SLIT2: variants seen among roughly 807,000 people sequenced by gnomAD.
SLIT2 encodes slit guidance ligand 2.
In SLIT2, 41 loss-of-function variants were observed where a neutral mutation model predicts 185.7. The observed-to-expected ratio is 0.22, with a 90% confidence interval of 0.17 to 0.29. The LOEUF is 0.29. Ranked by LOEUF, SLIT2 falls within the 10% of genes least tolerant of loss-of-function variation. SLIT2 has a pLI of 1.00. For missense variants in SLIT2, 1,571 were observed against 1,909.0 expected, an observed-to-expected ratio of 0.82 and a Z score of 3.30; for synonymous variants, 693 against 680.2, an observed-to-expected ratio of 1.02 and a Z score of -0.29.
At chr4:20,343,590 C>T (rs1473637823) in intron 4 of SLIT2, among the ~76,000 whole-genome samples, 1 of 151,968 alleles carries the variant, frequency 6.6e-6, no homozygotes, top group African/African-American at 2.4e-5. Flanking sequence ...CACCCTCAAC[C>T]TCCTGGGCTT....
chr4:20,406,629 A>G (rs1417978882), intron 4 of SLIT2, among the ~76,000 whole-genome samples: 2 of 144,562 alleles, frequency 1.4e-5, no homozygotes, highest in African/African-American at 4.9e-5. Context: ...TATGACTATT[A>G]AAACTTTCTT....
rs528229489 is a variant in SLIT2 at position 20,560,693 on chromosome 4, TA to T, written c.2726-6568del. Among the ~76,000 whole-genome samples, 416 of 152,070 alleles carry T rather than the reference TA, an allele frequency of 2.7e-3. 1 individual carries two copies. Among genetic ancestry groups the T allele is most frequent in the Non-Finnish European group, 4.7e-3 (318 of 67,952 alleles). On this transcript the variant is annotated intron_variant, in intron 26 of 36. Coordinates refer to ENST00000504154, the MANE Select transcript of SLIT2 (RefSeq NM_004787.4). Reference sequence around the variant, plus strand: ...GTTTTAGCTATGGAGGCAACTAAATTATTTTTTTATTTGAAAGACATTTATT... The same window carrying T: ...GTTTTAGCTATGGAGGCAACTAAATTTTTTTTTATTTGAAAGACATTTATT...
At chr4:20,455,372 A>C (rs770995490) in intron 4 of SLIT2, among the ~76,000 whole-genome samples, 1 of 152,164 alleles carries the variant, frequency 6.6e-6, no homozygotes, top group Non-Finnish European at 1.5e-5. Flanking sequence ...AGACATCCAA[A>C]GTAGTAGGCA....
At position 20,546,060 on chromosome 4, in the gene SLIT2, T is replaced by C; in HGVS notation, c.2306T>C (p.Val769Ala). 1 of 1,587,962 alleles carries C rather than the reference T, an allele frequency of 6.3e-7. No homozygotes were observed. Among genetic ancestry groups the C allele is most frequent in the Non-Finnish European group, 8.6e-7 (1 of 1,162,522 alleles). ...LYLDGNQFTLVPKELSNYKHL... is the reference protein window; with the variant it reads ...LYLDGNQFTLAPKELSNYKHL... ...CTGGATGGAAACCAATTTACACTGGTTCCCAAGGAACTCTCCAACTACAAA... is the reference window on the plus strand; with the variant it reads ...CTGGATGGAAACCAATTTACACTGGCTCCCAAGGAACTCTCCAACTACAAA... The change falls in exon 22 of 37, where the codon GTT (valine) becomes GCT (alanine). Residue 769 changes from valine (V) to alanine (A), a missense_variant. Val to Ala is a moderately conservative substitution (Grantham distance 64). Coordinates refer to ENST00000504154, the MANE Select transcript of SLIT2 (RefSeq NM_004787.4).
At chr4:20,450,345 A>G (rs541984721) in intron 4 of SLIT2, among the ~76,000 whole-genome samples, 1 of 152,224 alleles carries the variant, frequency 6.6e-6, no homozygotes, top group Non-Finnish European at 1.5e-5. Flanking sequence ...TTATTGGGAC[A>G]TTAAAAACAG....
At chr4:20,273,173 T>C (rs183990550) in intron 4 of SLIT2, among the ~76,000 whole-genome samples, 98 of 151,994 alleles carry the variant, frequency 6.4e-4, no homozygotes, top group Non-Finnish European at 1.1e-3. Context: ...TTCCTTTCCA[T>C]CACTGCCATA....
intron 18 of SLIT2, among the ~76,000 whole-genome samples, chr4:20,535,511 A>T (rs1308944373): frequency 6.6e-6 from 1 of 151,950 alleles, no homozygotes; most frequent in Non-Finnish European, 1.5e-5. Flanking sequence ...GAGTGGGAGG[A>T]AGGCGGTAGG....
Position 20,330,904 on chromosome 4 carries a change from G to T in SLIT2, c.395+62023G>T, listed in dbSNP as rs115794631. 4.7e-3 allele frequency among the ~76,000 whole-genome samples: 708 copies of T among 152,206 alleles called. 9 individuals carry two copies. Among genetic ancestry groups the T allele is most frequent in the African/African-American group, 0.016 (664 of 41,568 alleles). On this transcript the variant is annotated intron_variant, in intron 4 of 36. Transcript: ENST00000504154. ...ATAGATAAATTCATTAAGTGGCTTA[G>T]CCAAAACTGGTTCCCATGCTTATGT...
intron 4 of SLIT2, among the ~76,000 whole-genome samples, chr4:20,272,658 C>A (rs182382830): frequency 5.6e-4 from 85 of 152,100 alleles, no homozygotes; most frequent in African/African-American, 1.9e-3. Flanking sequence ...CGGTTTATTT[C>A]TTTGAGTATA....
intron 4 of SLIT2, among the ~76,000 whole-genome samples, chr4:20,442,981 G>A (rs888748951): frequency 1.3e-5 from 2 of 152,070 alleles, no homozygotes; most frequent in Non-Finnish European, 2.9e-5. Context: ...CCTTTTGCTA[G>A]TAGTTTAAAA....
intron 4 of SLIT2, among the ~76,000 whole-genome samples, chr4:20,356,139 T>C (rs1440468090): frequency 6.6e-6 from 1 of 152,146 alleles, no homozygotes; most frequent in Non-Finnish European, 1.5e-5. Flanking sequence ...CTTGAAGTTA[T>C]TAAATGAAGC....
At chr4:20,283,161 A>G (rs1021970443) in intron 4 of SLIT2, among the ~76,000 whole-genome samples, 7 of 151,692 alleles carry the variant, frequency 4.6e-5, no homozygotes, top group Admixed American at 4.6e-4. Context: ...TTCAACTACT[A>G]TTTTAAGGAC....
chr4:20,575,032 C>T (rs1225073842), intron 29 of SLIT2, among the ~76,000 whole-genome samples: 1 of 152,132 alleles, frequency 6.6e-6, no homozygotes, highest in Non-Finnish European at 1.5e-5. Flanking sequence ...GGCTTCTTTT[C>T]TCTTTACAAG....
intron 4 of SLIT2, among the ~76,000 whole-genome samples, chr4:20,453,826 G>A (rs78160034): frequency 5.5e-4 from 84 of 152,236 alleles, no homozygotes; most frequent in African/African-American, 1.9e-3. Flanking sequence ...AGCTCTAGTC[G>A]AACATGAGGT....
intron 29 of SLIT2, among the ~76,000 whole-genome samples, chr4:20,575,557 A>G (rs1267628977): frequency 6.6e-6 from 1 of 152,120 alleles, no homozygotes; most frequent in Non-Finnish European, 1.5e-5. Flanking sequence ...ATTGGCCCCA[A>G]AGCATGCACT....
At chr4:20,349,951 T>C (rs774724845) in intron 4 of SLIT2, among the ~76,000 whole-genome samples, 1 of 152,220 alleles carries the variant, frequency 6.6e-6, no homozygotes, top group Non-Finnish European at 1.5e-5. Context: ...TTTTTTGATC[T>C]GAATCTGTAT....
At chr4:20,411,901 C>T (rs1396379173) in intron 4 of SLIT2, among the ~76,000 whole-genome samples, 1 of 152,178 alleles carries the variant, frequency 6.6e-6, no homozygotes, top group East Asian at 1.9e-4. Flanking sequence ...GAAGAGAGGA[C>T]AGCCGCATAA....
intron 26 of SLIT2, among the ~76,000 whole-genome samples, chr4:20,562,033 C>T (rs560908029): frequency 5.9e-5 from 9 of 151,784 alleles, no homozygotes; most frequent in African/African-American, 1.9e-4. Flanking sequence ...GTAGGTGTTG[C>T]GAATGGCCAA....
chr4:20,311,631 A>G (rs1185490892), intron 4 of SLIT2, among the ~76,000 whole-genome samples: 1 of 152,190 alleles, frequency 6.6e-6, no homozygotes, highest in East Asian at 1.9e-4. Flanking sequence ...AGAACATTTT[A>G]GAGTTATAGA....
Sources: allele counts gnomAD v4.1 joint callset (sites outside exome capture counted in the v4.1 genomes callset), GRCh38; gene constraint gnomAD v4.1.1; transcripts MANE v1.5; gene names NCBI Gene and HGNC (gene_info 2026-07-23, HGNC 2026-07-21).